Variants in SLC16A7 observed in about 807,000 individuals in gnomAD.
SLC16A7 encodes the protein monocarboxylate transporter 2.
SLC16A7 carries 33 observed loss-of-function variants against 34.9 expected under a neutral mutation model. That is an observed-to-expected ratio of 0.94 (90% CI 0.72 to 1.26). The LOEUF (loss-of-function observed/expected upper bound fraction) is 1.26. SLC16A7 is among the 50% of genes most tolerant of loss of function. The pLI, the probability that SLC16A7 is intolerant of heterozygous loss-of-function variation, is 0.00. For missense variants in SLC16A7, 573 were observed against 578.1 expected, an observed-to-expected ratio of 0.99 and a Z score of 0.09; for synonymous variants, 201 against 206.6, an observed-to-expected ratio of 0.97 and a Z score of 0.23.
intron 3 of SLC16A7, among the ~76,000 whole-genome samples, chr12:59,728,707 A>G (rs1472834992): frequency 6.6e-6 from 1 of 152,226 alleles, no homozygotes; most frequent in Non-Finnish European, 1.5e-5. Flanking sequence ...CCTGGATGAC[A>G]GAACAAGATC....
intron 3 of SLC16A7, among the ~76,000 whole-genome samples, chr12:59,720,734 T>A (rs931702959): frequency 1.3e-5 from 2 of 152,086 alleles, no homozygotes; most frequent in African/African-American, 4.8e-5. Flanking sequence ...TTAAATAACT[T>A]ACTCCTCAAT....
intron 2 of SLC16A7, among the ~76,000 whole-genome samples, chr12:59,700,806 A>T (rs890404509): frequency 9.9e-5 from 15 of 151,694 alleles, no homozygotes; most frequent in Non-Finnish European, 2.2e-4. Context: ...TGAAGATCCT[A>T]AAATTATTTC....
rs996921387 is a variant in SLC16A7 at position 59,785,666 on chromosome 12, G to A, written c.*5987G>A. On this transcript the variant is annotated 3_prime_UTR_variant, in exon 6 of 6. Coordinates refer to ENST00000547379, the MANE Select transcript of SLC16A7 (RefSeq NM_001270623.2). The stretch of plus-strand genomic sequence containing the variant: ...GTTTGCATGATCTACATGTTTTTCA[G>A]TCTCCATATATACTTGTTAATAAGG... The A allele has an allele frequency of 6.6e-6, 1 of 152,050 alleles. No homozygotes were observed. The highest frequency in any genetic ancestry group is 2.4e-5 in the African/African-American group (1 of 41,452). 9.4% of individuals were successfully genotyped at this position (152,050 alleles called of 1,614,324 possible).
chr12:59,756,010 G>T (rs1880291846), intron 3 of SLC16A7, among the ~76,000 whole-genome samples: 2 of 152,302 alleles, frequency 1.3e-5, no homozygotes, highest in South Asian at 2.1e-4. Flanking sequence ...ATGGGGAAAG[G>T]ATTCCCTATT....
At chr12:59,640,277 G>A (rs1044988650) in intron 1 of SLC16A7, among the ~76,000 whole-genome samples, 12 of 152,222 alleles carry the variant, frequency 7.9e-5, no homozygotes, top group Middle Eastern at 6.8e-3. Context: ...TAAGCAGAAC[G>A]AAAGGGAATT....
intron 2 of SLC16A7, among the ~76,000 whole-genome samples, chr12:59,698,999 A>G (rs563197026): frequency 4.9e-4 from 75 of 151,922 alleles, no homozygotes; most frequent in African/African-American, 1.8e-3. Flanking sequence ...TTATGTAAAC[A>G]TGTATAACTG....
At position 59,787,161 on chromosome 12, in the gene SLC16A7, G is replaced by A. The variant is rs1415814104; in HGVS notation, c.*7482G>A. The A allele has an allele frequency of 6.6e-6, 1 of 151,840 alleles. No homozygotes were observed. Among genetic ancestry groups the A allele is most frequent in the Admixed American group, 6.6e-5 (1 of 15,244 alleles). The allele number at this position is 151,840 out of a possible 1,614,324, so 9.4% of individuals were successfully genotyped here. On this transcript the variant is annotated 3_prime_UTR_variant, in exon 6 of 6. Coordinates refer to ENST00000547379, the MANE Select transcript of SLC16A7 (RefSeq NM_001270623.2). ...TTATTTTATGTTCCTTTTTATTTTA[G>A]AAGCAGTGTTCATTTTTTTCTGAAG... is the stretch of plus-strand genomic sequence containing the variant.
chr12:59,761,161 TGAG>T, intron 3 of SLC16A7: 1 of 1,286,480 alleles, frequency 7.8e-7, no homozygotes, highest in Non-Finnish European at 1.0e-6. Context: ...TTCACATCCT[TGAG>T]GATTCAGTGC....
At chr12:59,767,915 G>A (rs940881329) in intron 3 of SLC16A7, among the ~76,000 whole-genome samples, 2 of 145,178 alleles carry the variant, frequency 1.4e-5, no homozygotes, top group African/African-American at 5.2e-5. Context: ...GACACAGGAA[G>A]GGGAACATCA....
chr12:59,637,436 T>A (rs1880478893), intron 1 of SLC16A7, among the ~76,000 whole-genome samples: 1 of 152,004 alleles, frequency 6.6e-6, no homozygotes, highest in Non-Finnish European at 1.5e-5. Flanking sequence ...TGCTCATTTA[T>A]CATTCTCTTT....
chr12:59,732,894 A>G (rs908519493), intron 3 of SLC16A7, among the ~76,000 whole-genome samples: 2 of 152,208 alleles, frequency 1.3e-5, no homozygotes, highest in Admixed American at 6.5e-5. Context: ...AGACAAGATC[A>G]CTTTTAAATG....
chr12:59,677,982 G>A (rs867956018), intron 2 of SLC16A7, among the ~76,000 whole-genome samples: 2 of 152,176 alleles, frequency 1.3e-5, no homozygotes, highest in Admixed American at 6.5e-5. Context: ...GCCCTGGCAG[G>A]CTGCACTTGG....
intron 2 of SLC16A7, among the ~76,000 whole-genome samples, chr12:59,655,993 A>G (rs1156576328): frequency 1.3e-5 from 2 of 151,998 alleles, no homozygotes; most frequent in Non-Finnish European, 2.9e-5. Flanking sequence ...AATGTAACCA[A>G]CTGTATTCAA....
intron 3 of SLC16A7, among the ~76,000 whole-genome samples, chr12:59,716,321 A>T (rs962398907): frequency 1.1e-4 from 17 of 152,178 alleles, no homozygotes; most frequent in African/African-American, 4.1e-4. Context: ...GAAGGCTGAA[A>T]TGGAATAAAA....
chr12:59,780,952 G>A lies in SLC16A7; in HGVS notation c.*1273G>A, dbSNP rs1413865242. Reference sequence around the variant, plus strand: ...TGAAAATTCTGCCCTCTACTGATGAGACTTCCTGCTGCCTTTGGACATAAC... The same window carrying A: ...TGAAAATTCTGCCCTCTACTGATGAAACTTCCTGCTGCCTTTGGACATAAC... On this transcript the variant is annotated 3_prime_UTR_variant, in exon 6 of 6. Transcript: ENST00000547379. 6.6e-6 allele frequency: 1 copy of A among 152,118 alleles called. No individual in the cohort carries two copies. 9.4% of individuals were successfully genotyped at this position (152,118 alleles called of 1,614,324 possible).
At chr12:59,759,544 A>G (rs1880780861) in intron 3 of SLC16A7, among the ~76,000 whole-genome samples, 1 of 152,004 alleles carries the variant, frequency 6.6e-6, no homozygotes, top group South Asian at 2.1e-4. Context: ...ATGTTTCTTT[A>G]CAGATTACTG....
chr12:59,756,683 T>G (rs1880393417), intron 3 of SLC16A7, among the ~76,000 whole-genome samples: 1 of 141,318 alleles, frequency 7.1e-6, no homozygotes, highest in South Asian at 2.4e-4. Flanking sequence ...TCAACCATTG[T>G]GGAAGACAGT....
At chr12:59,728,572 C>T (rs1876565056) in intron 3 of SLC16A7, among the ~76,000 whole-genome samples, 1 of 152,086 alleles carries the variant, frequency 6.6e-6, no homozygotes, top group Non-Finnish European at 1.5e-5. Flanking sequence ...ACTTTGGAAG[C>T]CAATTAGCTG....
intron 3 of SLC16A7, among the ~76,000 whole-genome samples, chr12:59,713,516 T>A (rs969404669): frequency 3.3e-5 from 5 of 152,240 alleles, no homozygotes; most frequent in African/African-American, 1.2e-4. Context: ...AAATGCAAAG[T>A]AAATACACAT....
Sources: allele counts gnomAD v4.1 joint callset (sites outside exome capture counted in the v4.1 genomes callset), GRCh38; gene constraint gnomAD v4.1.1; transcripts MANE v1.5; gene names NCBI Gene and HGNC (gene_info 2026-07-23, HGNC 2026-07-21).